The following CCDC33 variants were observed in gnomAD, a reference collection of about 807,000 sequenced individuals.
CCDC33 encodes the protein coiled-coil domain-containing protein 33.
Under a neutral mutation model 91.9 loss-of-function variants are expected in CCDC33, and 94 were observed. The ratio of observed to expected loss-of-function variants is 1.02; its 90% confidence interval spans 0.87 to 1.21. The LOEUF is 1.21. CCDC33 is among the 50% of genes most tolerant of loss of function. CCDC33 has a pLI of 0.00. For synonymous variants in CCDC33, 396 were observed against 374.5 expected (o/e 1.06, Z -0.66); for missense variants, 940 against 935.5 (o/e 1.00, Z -0.06).
intron 11 of CCDC33, among the ~76,000 whole-genome samples, chr15:74,328,432 G>T (rs924429298): frequency 5.9e-5 from 9 of 152,300 alleles, no homozygotes; most frequent in Non-Finnish European, 1.2e-4. Flanking sequence ...AAGGTGAAGG[G>T]GCCTGGCTGA....
chr15:74,209,051 C>A, intron 1 of CCDC33: 1 of 1,189,610 alleles, frequency 8.4e-7, no homozygotes, highest in Non-Finnish European at 1.0e-6. Flanking sequence ...GAAGGCAGCT[C>A]CCCCCTTCTC....
chr15:74,235,242 G>A (rs1427041637), upstream of CCDC33, among the ~76,000 whole-genome samples: 11 of 152,218 alleles, frequency 7.2e-5, no homozygotes, highest in Non-Finnish European at 1.2e-4. Context: ...CAGTGTCTGG[G>A]TGACCTTGGC....
At chr15:74,228,884 C>T (rs1373395258) in intron 2 of CCDC33, among the ~76,000 whole-genome samples, 1 of 152,188 alleles carries the variant, frequency 6.6e-6, no homozygotes, top group Non-Finnish European at 1.5e-5. Context: ...AGGCTCTGCT[C>T]TCTGGTAGAG....
intron 2 of CCDC33, among the ~76,000 whole-genome samples, chr15:74,230,896 G>A (rs1394798872): frequency 6.6e-6 from 1 of 152,200 alleles, no homozygotes; most frequent in African/African-American, 2.4e-5. Context: ...CAGAACCAGG[G>A]TTAGAGCCAG....
chr15:74,321,870 C>T (rs892947410), intron 11 of CCDC33, among the ~76,000 whole-genome samples: 2 of 152,182 alleles, frequency 1.3e-5, no homozygotes, highest in Non-Finnish European at 2.9e-5. Context: ...GGAGGCCCTT[C>T]CCTGCCATCA....
At chr15:74,265,696 T>C (rs1417298161) in intron 3 of CCDC33, among the ~76,000 whole-genome samples, 1 of 152,218 alleles carries the variant, frequency 6.6e-6, no homozygotes, top group African/African-American at 2.4e-5. Context: ...AACAGGACTG[T>C]CATGATTATT....
chr15:74,273,361 G>A lies in CCDC33; in HGVS notation c.759+470G>A, dbSNP rs139671637. ...ATGAAAAGTCCTGGAAATAGATAGT[G>A]GTGATGGTTACACAACAATACGAAC... is the stretch of plus-strand genomic sequence containing the variant. On this transcript the variant is annotated intron_variant, in intron 7 of 18. Coordinates refer to ENST00000398814, the MANE Select transcript of CCDC33 (RefSeq NM_025055.5). 5.4e-3 allele frequency among the ~76,000 whole-genome samples: 827 copies of A among 152,332 alleles called. 9 individuals are homozygous for A. The Middle Eastern group carries it at 0.058, about 11-fold the overall frequency.
At chr15:74,256,527 G>A (rs902413100) in intron 2 of CCDC33, among the ~76,000 whole-genome samples, 1 of 152,112 alleles carries the variant, frequency 6.6e-6, no homozygotes, top group African/African-American at 2.4e-5. Context: ...ACCTTCCAAG[G>A]GGACTGTCAT....
chr15:74,264,070 A>T (rs1449849555), intron 3 of CCDC33, among the ~76,000 whole-genome samples: 1 of 151,878 alleles, frequency 6.6e-6, no homozygotes, highest in African/African-American at 2.4e-5. Context: ...GAGGGGCAGG[A>T]CTAACTGCAG....
At chr15:74,208,871 A>C in intron 1 of CCDC33, 1 of 988,876 alleles carries the variant, frequency 1.0e-6, no homozygotes, top group Non-Finnish European at 1.2e-6. Context: ...TCTCCCGGAA[A>C]CTTGTCCCTC....
At chr15:74,297,336 C>T (rs1033612852) in intron 11 of CCDC33, among the ~76,000 whole-genome samples, 1 of 152,204 alleles carries the variant, frequency 6.6e-6, no homozygotes, top group African/African-American at 2.4e-5. Context: ...AAACCACTTG[C>T]TCCTGCCCTC....
At chr15:74,282,709 A>G (rs1434121820) in intron 10 of CCDC33, among the ~76,000 whole-genome samples, 2 of 152,146 alleles carry the variant, frequency 1.3e-5, no homozygotes, top group East Asian at 3.9e-4. Context: ...AATTCTGTCT[A>G]CCACAGCTGG....
At chr15:74,282,381 G>A (rs916259699) in intron 10 of CCDC33, among the ~76,000 whole-genome samples, 51 of 152,076 alleles carry the variant, frequency 3.4e-4, no homozygotes, top group Admixed American at 2.4e-3. Context: ...GCTGTCAGCC[G>A]GGGCAGCTCT....
chr15:74,232,555 C>T (rs1435096629), upstream of CCDC33, among the ~76,000 whole-genome samples: 1 of 152,318 alleles, frequency 6.6e-6, no homozygotes, highest in African/African-American at 2.4e-5. Context: ...GCCCCTTCCC[C>T]CATATCTCCC....
upstream of CCDC33, among the ~76,000 whole-genome samples, chr15:74,233,004 C>A (rs2075031513): frequency 6.6e-6 from 1 of 152,226 alleles, no homozygotes. Flanking sequence ...TCCAGGCCCA[C>A]GCCCATGGCC....
At chr15:74,272,946 G>A in intron 7 of CCDC33, 55 bp downstream of exon 7, 1 of 1,606,374 alleles carries the variant, frequency 6.2e-7, no homozygotes, top group Non-Finnish European at 8.5e-7. Context: ...CACATTCACT[G>A]TTCACTCACT....
At chr15:74,223,391 C>T (rs184134560) in intron 2 of CCDC33, among the ~76,000 whole-genome samples, 70 of 152,302 alleles carry the variant, frequency 4.6e-4, no homozygotes, top group African/African-American at 1.7e-3. Flanking sequence ...CCCTTGGGTA[C>T]TGGGGTTCCC....
At chr15:74,293,420 C>T (rs918955691) in intron 10 of CCDC33, among the ~76,000 whole-genome samples, 1 of 152,206 alleles carries the variant, frequency 6.6e-6, no homozygotes, top group Non-Finnish European at 1.5e-5. Context: ...TCCATTCATC[C>T]ACCCACTCAT....
At chr15:74,246,461 A>G (rs1595933378) in intron 2 of CCDC33, among the ~76,000 whole-genome samples, 1 of 152,378 alleles carries the variant, frequency 6.6e-6, no homozygotes, top group African/African-American at 2.4e-5. Flanking sequence ...AGTAACTCAT[A>G]CAACTCAATA....
Sources: allele counts gnomAD v4.1 joint callset (sites outside exome capture counted in the v4.1 genomes callset), GRCh38; gene constraint gnomAD v4.1.1; transcripts MANE v1.5; gene names NCBI Gene and HGNC (gene_info 2026-07-23, HGNC 2026-07-21).